OTOP3: variants seen among roughly 807,000 people sequenced by gnomAD.
OTOP3 encodes the protein proton channel OTOP3.
A neutral mutation model predicts 50.8 loss-of-function variants in OTOP3; 41 were observed. The observed-to-expected ratio is 0.81, with a 90% CI of 0.63 to 1.05. OTOP3 has a LOEUF of 1.05. OTOP3 is among the 50% of genes least tolerant of loss of function. The pLI, the probability that OTOP3 is intolerant of heterozygous loss-of-function variation, is 0.00. For synonymous variants in OTOP3, 320 were observed against 324.4 expected (o/e 0.99, Z 0.14); for missense variants, 788 against 760.8 (o/e 1.04, Z -0.42).
intron 6 of OTOP3, among the ~76,000 whole-genome samples, chr17:74,948,852 T>A (rs1304880875): frequency 6.6e-6 from 1 of 151,798 alleles, no homozygotes; most frequent in African/African-American, 2.4e-5. Flanking sequence ...AATAAATAAA[T>A]AATAAAAATA....
Position 74,949,648 on chromosome 17 carries a change from C to T in OTOP3, c.*232C>T. The T allele has an allele frequency of 1.9e-6, 1 of 524,462 alleles. No individual in the cohort carries two copies. Among genetic ancestry groups the T allele is most frequent in the Non-Finnish European group, 3.3e-6 (1 of 301,644 alleles). 32.5% of individuals were successfully genotyped at this position (524,462 alleles called of 1,614,324 possible). A position where few individuals can be genotyped will look rare whatever the true frequency, so the allele number is the denominator to read the frequency against. Reference sequence around the variant, plus strand: ...ACGGCCAGGCCTGGGCACATGCCTGCCCCCTGCCTTCCCACCACGATCCGC... The same window carrying T: ...ACGGCCAGGCCTGGGCACATGCCTGTCCCCTGCCTTCCCACCACGATCCGC... On this transcript the variant is annotated 3_prime_UTR_variant, in exon 7 of 7. Transcript: ENST00000328801.
chr17:74,935,978 G>A (rs1262852561), intron 1 of OTOP3, 38 bp downstream of exon 1: 1 of 1,538,224 alleles, frequency 6.5e-7, no homozygotes, highest in South Asian at 1.2e-5. Context: ...CCCAGCTTGC[G>A]CACCCCAGAC....
chr17:74,940,088 TACACACACACACAC>T (rs35662550), intron 1 of OTOP3, among the ~76,000 whole-genome samples: 5,125 of 122,318 alleles, frequency 0.042, 101 homozygotes, highest in African/African-American at 0.057. Flanking sequence ...ATATATATTA[TACACACACACACAC>T]ACACACACAC....
At chr17:74,943,829 G>C in intron 5 of OTOP3, 105 bp downstream of exon 5, 1 of 1,006,198 alleles carries the variant, frequency 9.9e-7, no homozygotes, top group Non-Finnish European at 1.5e-6. Flanking sequence ...GTGAGGCTCA[G>C]TAGGTCTATA....
intron 5 of OTOP3, among the ~76,000 whole-genome samples, chr17:74,944,910 T>A (rs2039210972): frequency 6.6e-6 from 1 of 152,206 alleles, no homozygotes; most frequent in African/African-American, 2.4e-5. Flanking sequence ...ACATTATATC[T>A]CAAAATATTT....
intron 5 of OTOP3, 91 bp from the exon 6 acceptor site, chr17:74,946,570 A>T (rs1240141329): frequency 8.6e-7 from 1 of 1,163,574 alleles, no homozygotes; most frequent in Non-Finnish European, 1.2e-6. Flanking sequence ...GCTCTAGTGT[A>T]TTCCAGGGAA....
intron 6 of OTOP3, among the ~76,000 whole-genome samples, chr17:74,948,393 G>T (rs960734709): frequency 1.3e-5 from 2 of 152,186 alleles, no homozygotes; most frequent in Non-Finnish European, 2.9e-5. Context: ...GGGCACGGTG[G>T]CTCACGCCTG....
At chr17:74,946,226 C>T (rs921896505) in intron 5 of OTOP3, among the ~76,000 whole-genome samples, 2 of 152,192 alleles carry the variant, frequency 1.3e-5, no homozygotes, top group Non-Finnish European at 2.9e-5. Flanking sequence ...GATCCACCTG[C>T]CTCAGCCTCC....
At chr17:74,948,262 A>T (rs1170401038) in intron 6 of OTOP3, among the ~76,000 whole-genome samples, 1 of 152,048 alleles carries the variant, frequency 6.6e-6, no homozygotes, top group East Asian at 1.9e-4. Context: ...AGTGGCTCAC[A>T]CCTGTAATCC....
chr17:74,947,369 G>T lies in OTOP3; in HGVS notation c.1460G>T (p.Gly487Val). 3 of 1,613,074 alleles carry T rather than the reference G, an allele frequency of 1.9e-6. No homozygotes were observed. The highest frequency in any genetic ancestry group is 2.5e-6 in the Non-Finnish European group (3 of 1,180,026). The change falls in exon 6 of 7, where the codon GGC (glycine) becomes GTC (valine). Residue 487 changes from glycine (G) to valine (V), a missense_variant. Transcript: ENST00000328801. ...RRGSLLELGQGLQRASLAYIH... is the reference protein window; with the variant it reads ...RRGSLLELGQVLQRASLAYIH... ...GGCTCCTTGCTGGAGCTGGGCCAGGGCCTGCAGCGGGCCTCACTGGCCTAC... is the reference window on the plus strand; with the variant it reads ...GGCTCCTTGCTGGAGCTGGGCCAGGTCCTGCAGCGGGCCTCACTGGCCTAC...
At chr17:74,943,574 G>T (rs1248790977) in intron 4 of OTOP3, 32 bp from the exon 5 acceptor site, 4 of 1,603,468 alleles carry the variant, frequency 2.5e-6, no homozygotes, top group East Asian at 2.2e-5. Context: ...AGCCGGCCAG[G>T]GTGTGTGAGA....
rs1284176375 is a variant in OTOP3 at position 74,943,697 on chromosome 17, C to T, written c.724C>T (p.Leu242Phe). The change falls in exon 5 of 7, where the codon CTT becomes TTT. Residue 242 changes from leucine (L) to phenylalanine (F), a missense_variant. Coordinates refer to ENST00000328801, the MANE Select transcript of OTOP3 (RefSeq NM_001272005.2). ...DSMHREIEAE[L>F]GILMEKSTGN... ...CATGCACCGAGAGATCGAAGCTGAG[C>T]TTGGCATCCTCATGGAAAAATCCAC... 2 of 1,610,124 alleles carry T rather than the reference C, an allele frequency of 1.2e-6. No individual in the cohort carries two copies. The highest frequency in any genetic ancestry group is 1.7e-6 in the Non-Finnish European group (2 of 1,179,838).
intron 6 of OTOP3, 50 bp downstream of exon 6, chr17:74,947,525 C>T (rs747833253): frequency 2.0e-6 from 3 of 1,480,708 alleles, no homozygotes; most frequent in Non-Finnish European, 2.7e-6. Flanking sequence ...CCAGGCAGAC[C>T]CAGAAAGCCT....
intron 1 of OTOP3, among the ~76,000 whole-genome samples, chr17:74,937,422 T>C (rs1451037252): frequency 6.6e-6 from 1 of 152,184 alleles, no homozygotes; most frequent in Admixed American, 6.5e-5. Flanking sequence ...AGTGCTGGAA[T>C]CTGAGCACTT....
Position 74,946,872 on chromosome 17 carries a change from C to A in OTOP3, c.963C>A (p.Phe321Leu), listed in dbSNP as rs767129926. 1.2e-6 allele frequency: 2 copies of A among 1,610,852 alleles called. No individual in the cohort carries two copies. Among genetic ancestry groups the A allele is most frequent in the South Asian group, 2.2e-5 (2 of 91,084 alleles). The change falls in exon 6 of 7, where the codon TTC becomes TTA. Residue 321 changes from phenylalanine to leucine, a missense_variant. Phe to Leu is a conservative substitution (Grantham distance 22). Transcript: ENST00000328801. ...CCTTCCACCTGCACGGGGCCATCTT[C>A]GGGCCGCTGCTGGGCCTGCTGGTGC... ...TAPFHLHGAI[F>L]GPLLGLLVLL...
rs561006120 is a variant in OTOP3, at chr17:74,941,403, G to A, written c.30G>A (p.Glu10=). The change falls in exon 2 of 7, where the codon GAG becomes GAA. Residue 10 remains glutamate (E), a synonymous_variant. Transcript: ENST00000328801. MPLPASAPA[E]ATPMPSSEAQ... is the part of the protein sequence containing the mutation. ...TTTCTCCATCTCCAGCCCCTGCTGAGGCTACACCCATGCCTTCTTCAGAAG... is the reference window on the plus strand; with the variant it reads ...TTTCTCCATCTCCAGCCCCTGCTGAAGCTACACCCATGCCTTCTTCAGAAG... 4 of 1,528,016 alleles carry A rather than the reference G, an allele frequency of 2.6e-6. No individual in the cohort carries two copies. In the South Asian group the frequency reaches 5.2e-5, roughly 20 times the overall value. The allele number at this position is 1,528,016 out of a possible 1,614,324, so 94.7% of individuals were successfully genotyped here. A position where few individuals can be genotyped will look rare whatever the true frequency, so the allele number is the denominator to read the frequency against.
chr17:74,947,577 T>G, intron 6 of OTOP3, 102 bp downstream of exon 6: 1 of 1,143,112 alleles, frequency 8.7e-7, no homozygotes, highest in African/African-American at 1.6e-5. Context: ...TTTTTCCAAC[T>G]AGCTTGATGC....
intron 5 of OTOP3, among the ~76,000 whole-genome samples, chr17:74,944,979 G>T (rs957057984): frequency 6.6e-6 from 1 of 150,384 alleles, no homozygotes; most frequent in Non-Finnish European, 1.5e-5. Flanking sequence ...ACAGGGTGTC[G>T]CTCTGTCACC....
At chr17:74,938,030 G>A (rs2039135698) in intron 1 of OTOP3, among the ~76,000 whole-genome samples, 1 of 152,158 alleles carries the variant, frequency 6.6e-6, no homozygotes, top group Non-Finnish European at 1.5e-5. Flanking sequence ...GGGTTGGTGT[G>A]GGAGGCAGGT....
Sources: allele counts gnomAD v4.1 joint callset (sites outside exome capture counted in the v4.1 genomes callset), GRCh38; gene constraint gnomAD v4.1.1; transcripts MANE v1.5; gene names NCBI Gene and HGNC (gene_info 2026-07-23, HGNC 2026-07-21).